The following POLR1A variants were observed in gnomAD, a reference collection of about 807,000 sequenced individuals.
POLR1A encodes the protein DNA-directed RNA polymerase I subunit RPA1.
A neutral mutation model predicts 205.3 loss-of-function variants in POLR1A; 84 were observed. The observed-to-expected ratio is 0.41, with a 90% CI of 0.34 to 0.49. The LOEUF (loss-of-function observed/expected upper bound fraction) is 0.49. Among genes scored for constraint, POLR1A ranks in the 20% least tolerant of loss-of-function variants. The pLI is 0.22. For missense variants in POLR1A, 1,645 were observed against 2,204.5 expected, an observed-to-expected ratio of 0.75 and a Z score of 5.08; for synonymous variants, 799 against 863.7, an observed-to-expected ratio of 0.93 and a Z score of 1.31.
intron 23 of POLR1A, among the ~76,000 whole-genome samples, chr2:86,042,407 A>G (rs1412691041): frequency 6.6e-6 from 1 of 152,226 alleles, no homozygotes; most frequent in Admixed American, 6.5e-5. Flanking sequence ...AGGCTAGGAC[A>G]AGAGGCAAAG....
Position 86,045,725 on chromosome 2 carries a change from G to C in POLR1A, c.2778C>G (p.Pro926=), listed in dbSNP as rs199851188. The C allele has an allele frequency of 1.2e-5, 20 of 1,610,086 alleles. No individual in the cohort carries two copies. In the African/African-American group the frequency reaches 2.4e-4, roughly 19 times the overall value. ...GTGACTTGCCAGACGCCATCAGCGG[G>C]GGTCTCCGACCTTCCAGTTCAATCT... ...LGQIELEGRR[P]PLMASGKSLP... Residue 926 remains proline, a synonymous_variant, in exon 20 of 34, where the codon CCC becomes CCG. Coordinates refer to ENST00000263857, the MANE Select transcript of POLR1A (RefSeq NM_015425.6).
chr2:86,048,199 C>A (rs1054607623), intron 18 of POLR1A, among the ~76,000 whole-genome samples: 1 of 152,232 alleles, frequency 6.6e-6, no homozygotes, highest in African/African-American at 2.4e-5. Flanking sequence ...GGCCCCAGGG[C>A]CCAGGAGGCA....
intron 13 of POLR1A, among the ~76,000 whole-genome samples, chr2:86,068,576 T>G (rs753734114): frequency 5.3e-5 from 8 of 152,236 alleles, no homozygotes; most frequent in Non-Finnish European, 7.3e-5. Context: ...CAGCTTTTAC[T>G]GCCACCACCA....
rs80106112 is a variant in POLR1A, at chr2:86,048,953, C to G, written c.2565G>C (p.Gln855His). The G allele has an allele frequency of 4.1e-5, 66 of 1,614,158 alleles. No individual in the cohort carries two copies. The highest frequency in any genetic ancestry group is 1.6e-4 in the Middle Eastern group (1 of 6,062). The change falls in exon 18 of 34, where the codon CAG (glutamine) becomes CAC (histidine). Residue 855 changes from glutamine to histidine, a missense_variant. Physicochemically the swap from Gln to His is conservative, Grantham distance 24. Coordinates refer to ENST00000263857, the MANE Select transcript of POLR1A (RefSeq NM_015425.6). ...TCAGATCAATCATGTTAAAATCCCTCTGGTCCTTGCCCAGATGGGCATCCT... is the reference window on the plus strand; with the variant it reads ...TCAGATCAATCATGTTAAAATCCCTGTGGTCCTTGCCCAGATGGGCATCCT... ...KWQDAHLGKD[Q>H]RDFNMIDLKF...
chr2:86,093,707 G>A (rs1156458932), intron 3 of POLR1A, among the ~76,000 whole-genome samples: 1 of 152,156 alleles, frequency 6.6e-6, no homozygotes, highest in Non-Finnish European at 1.5e-5. Context: ...GTGCATGCCT[G>A]TAGTTCCAGC....
chr2:86,049,208 A>T lies in POLR1A; in HGVS notation c.2427T>A (p.Asp809Glu). 2 of 1,614,066 alleles carry T rather than the reference A, an allele frequency of 1.2e-6. No individual in the cohort carries two copies. Among genetic ancestry groups the T allele is most frequent in the Middle Eastern group, 1.7e-4 (1 of 6,058 alleles). The change falls in exon 17 of 34, where the codon GAT becomes GAA. Residue 809 changes from aspartate to glutamate, a missense_variant. Physicochemically the swap from Asp to Glu is conservative, Grantham distance 45. This residue lies in a region of POLR1A where 339 missense variants were observed against 415.1 expected (regional missense o/e 0.82). Transcript: ENST00000263857. ...VEDILVKPKA[D>E]VKRQRIIEES... is the part of the protein sequence containing the mutation. ...CTTCAATGATACGTTGCCTCTTGACATCTGCCTTTGGCTTCACCAAAATGT... is the reference window on the plus strand; with the variant it reads ...CTTCAATGATACGTTGCCTCTTGACTTCTGCCTTTGGCTTCACCAAAATGT...
At chr2:86,098,547 G>C (rs1673750655) in intron 3 of POLR1A, 64 bp downstream of exon 3, 4 of 1,519,302 alleles carry the variant, frequency 2.6e-6, no homozygotes, top group Middle Eastern at 1.7e-4. Flanking sequence ...CAACATACAA[G>C]CATCTCTTGT....
chr2:86,027,720 G>T (rs539489258), intron 33 of POLR1A, among the ~76,000 whole-genome samples, 165 bp downstream of exon 33: 4 of 152,138 alleles, frequency 2.6e-5, no homozygotes, highest in Non-Finnish European at 5.9e-5. Flanking sequence ...AAGCGTAGAG[G>T]CAGCTGTCGT....
At chr2:86,098,360 C>A (rs1447129078) in intron 3 of POLR1A, among the ~76,000 whole-genome samples, 1 of 152,176 alleles carries the variant, frequency 6.6e-6, no homozygotes, top group East Asian at 1.9e-4. Flanking sequence ...TGATTGAATC[C>A]TTGGTCCAGA....
chr2:86,059,552 G>A (rs1449160223), intron 14 of POLR1A, among the ~76,000 whole-genome samples: 1 of 152,094 alleles, frequency 6.6e-6, no homozygotes, highest in Non-Finnish European at 1.5e-5. Context: ...GGGAAGGTAT[G>A]ATATGATTTT....
intron 8 of POLR1A, among the ~76,000 whole-genome samples, chr2:86,081,193 C>T (rs1215285850): frequency 3.9e-5 from 6 of 152,040 alleles, no homozygotes; most frequent in Admixed American, 6.5e-5. Context: ...GTCAGGAGTT[C>T]GAGACCAGCC....
Position 86,070,246 on chromosome 2 carries a change from G to A in POLR1A, c.1638C>T (p.Asp546=), listed in dbSNP as rs755820709. 8.7e-6 allele frequency: 14 copies of A among 1,612,052 alleles called. No individual in the cohort carries two copies. In the South Asian group the frequency reaches 1.3e-4, roughly 15 times the overall value. The change falls in exon 13 of 34, where the codon GAC becomes GAT. Residue 546 remains aspartate, a synonymous_variant. Coordinates refer to ENST00000263857, the MANE Select transcript of POLR1A (RefSeq NM_015425.6). The surrounding 1 kb of genome is among the most constrained non-coding windows in gnomAD (Gnocchi z 4.4). ...TGGGCTGTCGGTTCAGTAGCAGAAT[G>A]TCCCCATTCTTCACATGCCGGCACA... ...KIVCRHVKNG[D]ILLLNRQPTL...
chr2:86,099,142 G>T (rs540474221), intron 2 of POLR1A, among the ~76,000 whole-genome samples: 1 of 152,084 alleles, frequency 6.6e-6, no homozygotes, highest in Admixed American at 6.6e-5. Flanking sequence ...TTGAGGCCAG[G>T]AGTTTGAGAC....
At chr2:86,105,253 T>C (rs765781299) in intron 1 of POLR1A, among the ~76,000 whole-genome samples, 4 of 152,216 alleles carry the variant, frequency 2.6e-5, no homozygotes, top group Non-Finnish European at 5.9e-5. Flanking sequence ...AGAGTTCCCT[T>C]GATTTAACAA....
chr2:86,085,314 G>A (rs1305110372), intron 6 of POLR1A, among the ~76,000 whole-genome samples: 2 of 152,130 alleles, frequency 1.3e-5, no homozygotes, highest in African/African-American at 4.8e-5. Context: ...AATTCCTTAG[G>A]ATAAAGTCAT....
chr2:86,077,336 C>A (rs983472042), intron 11 of POLR1A, among the ~76,000 whole-genome samples: 2 of 152,110 alleles, frequency 1.3e-5, no homozygotes, highest in Non-Finnish European at 2.9e-5. Flanking sequence ...AGCTGCTGAC[C>A]CTGAGAAGCG....
At chr2:86,096,528 T>C (rs1673706166) in intron 3 of POLR1A, among the ~76,000 whole-genome samples, 1 of 152,102 alleles carries the variant, frequency 6.6e-6, no homozygotes, top group African/African-American at 2.4e-5. Context: ...ATTCAAAATA[T>C]ACTACAAAGC....
chr2:86,021,795 ATC>A lies in POLR1A; in HGVS notation c.*5626_*5627del, dbSNP rs1303891524. The A allele has an allele frequency of 6.6e-6, 1 of 152,258 alleles. No individual in the cohort carries two copies. Among genetic ancestry groups the A allele is most frequent in the African/African-American group, 2.4e-5 (1 of 41,448 alleles). 9.4% of individuals were successfully genotyped at this position (152,258 alleles called of 1,614,324 possible). On this transcript the variant is annotated 3_prime_UTR_variant, in exon 34 of 34. Transcript: ENST00000263857. ...ATGGTGAGGATGGGCATGGTCAGGTATCTGTCGGCTGGGACAAACCTCCCAGG... is the reference window on the plus strand; with the variant it reads ...ATGGTGAGGATGGGCATGGTCAGGTATGTCGGCTGGGACAAACCTCCCAGG...
intron 27 of POLR1A, among the ~76,000 whole-genome samples, chr2:86,035,909 T>C (rs573733123): frequency 7.9e-5 from 12 of 152,354 alleles, no homozygotes; most frequent in Middle Eastern, 6.8e-3. Flanking sequence ...AATGAATGGC[T>C]GGTGAGTAAG....
Sources: allele counts gnomAD v4.1 joint callset (sites outside exome capture counted in the v4.1 genomes callset), GRCh38; gene constraint gnomAD v4.1.1; regional missense constraint gnomAD v4.1.1; non-coding constraint Gnocchi (gnomAD v3.1); transcripts MANE v1.5; gene names NCBI Gene and HGNC (gene_info 2026-07-23, HGNC 2026-07-21).